Variants in GRM4 observed in about 807,000 individuals in gnomAD.
The protein encoded by GRM4 is metabotropic glutamate receptor 4.
In GRM4, 28 loss-of-function variants were observed where a neutral mutation model predicts 81.7. That is an observed-to-expected ratio of 0.34 (90% CI 0.25 to 0.47). GRM4 has a LOEUF of 0.47. Ranked by LOEUF, GRM4 falls within the 20% of genes least tolerant of loss-of-function variation. The pLI, the probability that GRM4 is intolerant of heterozygous loss-of-function variation, is 1.00. For synonymous variants in GRM4, 488 were observed against 528.8 expected (o/e 0.92, Z 1.06); for missense variants, 948 against 1,290.0 (o/e 0.73, Z 4.06).
chr6:34,080,004 C>G lies in GRM4; in HGVS notation c.736+11879G>C, dbSNP rs187300582. On this transcript the variant is annotated intron_variant, in intron 3 of 10. Transcript: ENST00000538487. This position sits in a 1 kb window ranked among gnomAD's most constrained non-coding sequence, Gnocchi z 5.4. ...AAAAGCCAAAGTCCCCACAGGCCCCCCCAGGGCCCCATGCAATTTGCCCTC... is the reference window on the plus strand; with the variant it reads ...AAAAGCCAAAGTCCCCACAGGCCCCGCCAGGGCCCCATGCAATTTGCCCTC... Among the ~76,000 whole-genome samples, 17 of 152,330 alleles carry G rather than the reference C, an allele frequency of 1.1e-4. No homozygotes were observed. The East Asian group carries it at 2.9e-3, about 26-fold the overall frequency.
intron 2 of GRM4, among the ~76,000 whole-genome samples, chr6:34,123,534 C>T (rs374025873): frequency 5.3e-5 from 8 of 152,150 alleles, no homozygotes; most frequent in South Asian, 2.1e-4. Flanking sequence ...CTGAGATGAG[C>T]GAGGTCCAGG....
chr6:34,133,344 C>G lies in GRM4; in HGVS notation c.153G>C (p.Leu51=), dbSNP rs1254201695. The part of the protein sequence containing the change: ...NSIRIDGDIT[L]GGLFPVHGRG... ...GGCCATGCACCGGGAACAGGCCTCC[C>G]AGTGTGATGTCCCCATCTATGCGGA... The change falls in exon 2 of 11, where the codon CTG becomes CTC. Residue 51 remains leucine (L), a synonymous_variant. Coordinates refer to ENST00000538487, the MANE Select transcript of GRM4 (RefSeq NM_000841.4). This position sits in a 1 kb window ranked among gnomAD's most constrained non-coding sequence, Gnocchi z 6.5. 1 of 1,614,002 alleles carries G rather than the reference C, an allele frequency of 6.2e-7. No individual in the cohort carries two copies. The highest frequency in any genetic ancestry group is 8.5e-7 in the Non-Finnish European group (1 of 1,180,032).
rs968952280 is a variant in GRM4 at position 34,065,893 on chromosome 6, C to T, written c.737-3865G>A. ...CCTTCAGACGAGGCTCTCACCACTGCGCTGGGAAGTTTGGGATCCAGGCCA... is the reference window on the plus strand; with the variant it reads ...CCTTCAGACGAGGCTCTCACCACTGTGCTGGGAAGTTTGGGATCCAGGCCA... On this transcript the variant is annotated intron_variant, in intron 3 of 10. Coordinates refer to ENST00000538487, the MANE Select transcript of GRM4 (RefSeq NM_000841.4). Among the ~76,000 whole-genome samples the T allele has an allele frequency of 3.9e-5, 6 of 152,126 alleles. 1 individual carries two copies. Among genetic ancestry groups the T allele is most frequent in the African/African-American group, 9.7e-5 (4 of 41,422 alleles).
chr6:34,032,271 T>G (rs1362017803), intron 9 of GRM4, among the ~76,000 whole-genome samples: 1 of 152,024 alleles, frequency 6.6e-6, no homozygotes, highest in East Asian at 1.9e-4. Flanking sequence ...CCACTGAGCA[T>G]GTACATGCAC....
Position 34,154,256 on chromosome 6 carries a change from C to G in GRM4, c.312+823G>C, listed in dbSNP as rs1192744427. Among the ~76,000 whole-genome samples, 3 of 152,222 alleles carry G rather than the reference C, an allele frequency of 2.0e-5. No individual in the cohort carries two copies. In the East Asian group the frequency reaches 5.8e-4, roughly 29 times the overall value. On this transcript the variant is annotated intron_variant, in intron 1 of 8. Coordinates refer to the GRM4 transcript ENST00000374177. ...GTGAGATGGTGAGCACGGCTCCCCG[C>G]ACACACCTCCCCTCACCGCGGTCCT...
chr6:34,133,470 C>T lies in GRM4; in HGVS notation c.27G>A (p.Trp9Ter), dbSNP rs1391690844. ...GGCAAAGGGGCAGCCGGGCCCACCACCAGCCCAAGCCTCTCTTCCCAGGCA... is the reference window on the plus strand; with the variant it reads ...GGCAAAGGGGCAGCCGGGCCCACCATCAGCCCAAGCCTCTCTTCCCAGGCA... The part of the protein sequence containing the change: MPGKRGLG[W>*]WWARLPLCLL... The change falls in exon 2 of 11, where the codon TGG (tryptophan) becomes TGA (stop). Residue 9 changes from tryptophan to a stop codon, truncating the protein, a stop_gained. Coordinates refer to ENST00000538487, the MANE Select transcript of GRM4 (RefSeq NM_000841.4). LOFTEE classifies it high-confidence loss of function. This position sits in a 1 kb window ranked among gnomAD's most constrained non-coding sequence, Gnocchi z 6.5. The T allele has an allele frequency of 6.3e-7, 1 of 1,580,160 alleles. No individual in the cohort carries two copies. The highest frequency in any genetic ancestry group is 8.6e-7 in the Non-Finnish European group (1 of 1,163,572).
At position 34,070,792 on chromosome 6, in the gene GRM4, CCACACACACACACA is replaced by C. The variant is rs34256571; in HGVS notation, c.737-8778_737-8765del. On this transcript the variant is annotated intron_variant, in intron 3 of 10. Transcript: ENST00000538487. The surrounding 1 kb of genome is among the most constrained non-coding windows in gnomAD (Gnocchi z 4.6). ...CACCACACCCCCGCCACACCCCCAG[CCACACACACACACA>C]CACACACACACACGGCAATGCACAC... 2.2e-5 allele frequency among the ~76,000 whole-genome samples: 3 copies of C among 135,400 alleles called. No individual in the cohort carries two copies. Among genetic ancestry groups the C allele is most frequent in the Non-Finnish European group, 3.1e-5 (2 of 63,700 alleles). 88.8% of individuals were successfully genotyped at this position (135,400 alleles called of 152,430 possible).
Position 34,092,221 on chromosome 6 carries a change from C to T in GRM4, c.520-122G>A. On this transcript the variant is annotated intron_variant, in intron 2 of 10. Coordinates refer to ENST00000538487, the MANE Select transcript of GRM4 (RefSeq NM_000841.4). This position sits in a 1 kb window ranked among gnomAD's most constrained non-coding sequence, Gnocchi z 6.8. ...CAGCCTTGGGACCACCACAGCCCAC[C>T]CCTCCCCATGGGCGATGCCTCCTCC... 1.5e-6 allele frequency: 1 copy of T among 649,956 alleles called. No individual in the cohort carries two copies. The highest frequency in any genetic ancestry group is 2.7e-6 in the Non-Finnish European group (1 of 376,942). The allele number at this position is 649,956 out of a possible 1,614,324, so 40.3% of individuals were successfully genotyped here. A position where few individuals can be genotyped will look rare whatever the true frequency, so the allele number is the denominator to read the frequency against.
rs1763929267 is a variant in GRM4 at position 34,022,544 on chromosome 6, G to T, written c.*277C>A. 2 of 523,966 alleles carry T rather than the reference G, an allele frequency of 3.8e-6. No homozygotes were observed. Among genetic ancestry groups the T allele is most frequent in the Admixed American group, 3.2e-5 (1 of 31,082 alleles). The allele number at this position is 523,966 out of a possible 1,614,324, so 32.5% of individuals were successfully genotyped here. On this transcript the variant is annotated 3_prime_UTR_variant, in exon 11 of 11. Transcript: ENST00000538487. The surrounding 1 kb of genome is among the most constrained non-coding windows in gnomAD (Gnocchi z 5.6). ...TCTAGCACTGGGGCCCACACGACCT[G>T]AGCCCCTGTGGTTTGGGGCCGGGAG...
intron 1 of GRM4, 31 bp downstream of exon 1, chr6:34,145,969 C>T: frequency 1.0e-6 from 1 of 984,148 alleles, no homozygotes; most frequent in South Asian, 4.7e-5. Flanking sequence ...CCCCCCCTTC[C>T]TCCTCCCCGT....
chr6:34,061,762 C>T (rs1470805108), intron 4 of GRM4, 131 bp downstream of exon 4: 2 of 959,542 alleles, frequency 2.1e-6, no homozygotes, highest in African/African-American at 3.2e-5. Flanking sequence ...TACCCACTCA[C>T]CAGCACCCAC....
At chr6:34,063,352 G>T (rs1330512884) in intron 3 of GRM4, 1 of 152,420 alleles carries the variant, frequency 6.6e-6, no homozygotes, top group East Asian at 1.9e-4. Context: ...CTACCTGTGG[G>T]CAGGGAGATG....
chr6:34,120,257 C>G (rs1381820906), intron 2 of GRM4, among the ~76,000 whole-genome samples: 1 of 152,124 alleles, frequency 6.6e-6, no homozygotes, highest in Non-Finnish European at 1.5e-5. Context: ...AGCATGCACA[C>G]TCTTTCCCTC....
chr6:34,105,458 C>T (rs1025425494), intron 2 of GRM4, among the ~76,000 whole-genome samples: 22 of 152,158 alleles, frequency 1.4e-4, no homozygotes, highest in Non-Finnish European at 2.6e-4. Flanking sequence ...GTATTTGACC[C>T]GGTAGTCCCT....
intron 8 of GRM4, among the ~76,000 whole-genome samples, chr6:34,038,125 G>A (rs550009530): frequency 4.2e-4 from 64 of 152,324 alleles, no homozygotes; most frequent in African/African-American, 1.4e-3. Flanking sequence ...GACACGGGGC[G>A]ATGGTGAGTG....
chr6:34,029,700 A>T (rs1381300725), intron 9 of GRM4, among the ~76,000 whole-genome samples: 1 of 152,232 alleles, frequency 6.6e-6, no homozygotes, highest in African/African-American at 2.4e-5. Context: ...AGGGTACCCC[A>T]AGCACAGACT....
At position 34,152,489 on chromosome 6, in the gene GRM4, C is replaced by A. The variant is rs1463779361; in HGVS notation, c.312+2590G>T. On this transcript the variant is annotated intron_variant, in intron 1 of 8. Coordinates refer to the GRM4 transcript ENST00000374177. The surrounding 1 kb of genome is among the most constrained non-coding windows in gnomAD (Gnocchi z 4.1). ...CTACAGGGGTGGGGAGGATTCTGCTCCCCTCGAAGGAGGCAGCAGCATTTC... is the reference window on the plus strand; with the variant it reads ...CTACAGGGGTGGGGAGGATTCTGCTACCCTCGAAGGAGGCAGCAGCATTTC... Among the ~76,000 whole-genome samples the A allele has an allele frequency of 1.3e-5, 2 of 152,142 alleles. No homozygotes were observed. Among genetic ancestry groups the A allele is most frequent in the Non-Finnish European group, 2.9e-5 (2 of 68,022 alleles).
intron 6 of GRM4, among the ~76,000 whole-genome samples, chr6:34,044,119 GACACAC>G (rs71678350): frequency 7.2e-6 from 1 of 139,482 alleles, no homozygotes; most frequent in Non-Finnish European, 1.6e-5. Context: ...TATATACACA[GACACAC>G]ACACACACAT....
chr6:34,094,344 C>G (rs1351870245), intron 2 of GRM4, among the ~76,000 whole-genome samples: 1 of 152,174 alleles, frequency 6.6e-6, no homozygotes, highest in Non-Finnish European at 1.5e-5. Context: ...GAAAGCAAAC[C>G]ACACTCGACT....
Sources: gnomAD v4.1 joint callset for allele counts (sites outside exome capture counted in the v4.1 genomes callset) on GRCh38, gnomAD v4.1.1 for gene constraint, Gnocchi (gnomAD v3.1) non-coding constraint, MANE v1.5 for transcripts, NCBI Gene and HGNC (gene_info 2026-07-23, HGNC 2026-07-21) for gene names.